The following RHBDD1 variants were observed in gnomAD, a reference collection of about 807,000 sequenced individuals.
The protein encoded by RHBDD1 is rhomboid domain containing 1, also known as rhomboid-related protein 4.
RHBDD1 carries 38 observed loss-of-function variants against 36.3 expected under a neutral mutation model. The ratio of observed to expected loss-of-function variants is 1.05; its 90% confidence interval spans 0.81 to 1.37. The LOEUF (loss-of-function observed/expected upper bound fraction) is 1.37, where lower values mean the gene tolerates loss of function less well. Among genes scored for constraint, RHBDD1 ranks in the 40% most tolerant of loss-of-function variants. The pLI, the probability that RHBDD1 is intolerant of heterozygous loss-of-function variation, is 0.00. For synonymous variants in RHBDD1, 151 were observed against 136.5 expected, an observed-to-expected ratio of 1.11 and a Z score of -0.74; for missense variants, 393 against 377.6, an observed-to-expected ratio of 1.04 and a Z score of -0.34.
intron 8 of RHBDD1, among the ~76,000 whole-genome samples, chr2:226,922,281 C>T (rs1291703110): frequency 7.1e-6 from 1 of 140,986 alleles, no homozygotes; most frequent in African/African-American, 2.7e-5. Context: ...GATCTCGGCT[C>T]ACTGTAAGTT....
At chr2:226,824,763 T>G in the RHBDD1 span, among the ~76,000 whole-genome samples, 1 of 152,224 alleles carries the variant, frequency 6.6e-6, no homozygotes, top group Non-Finnish European at 1.5e-5. Context: ...CTGAACAGAT[T>G]GACCTTTAAT....
chr2:226,945,808 C>G (rs1159768955), intron 8 of RHBDD1, among the ~76,000 whole-genome samples: 1 of 152,206 alleles, frequency 6.6e-6, no homozygotes, highest in East Asian at 1.9e-4. Flanking sequence ...TCCACATCCT[C>G]TCCAGCATCT....
At chr2:226,898,855 A>G (rs1479804113) in intron 5 of RHBDD1, among the ~76,000 whole-genome samples, 2 of 152,198 alleles carry the variant, frequency 1.3e-5, no homozygotes, top group African/African-American at 4.8e-5. Context: ...GGAGAGTACA[A>G]TAGGCCACTT....
At chr2:226,857,340 G>T (rs1943431920) in intron 3 of RHBDD1, among the ~76,000 whole-genome samples, 1 of 152,020 alleles carries the variant, frequency 6.6e-6, no homozygotes, top group Non-Finnish European at 1.5e-5. Flanking sequence ...GTGCTGAAGG[G>T]AATGTAAAGG....
intron 3 of RHBDD1, among the ~76,000 whole-genome samples, chr2:226,863,255 T>C (rs908117827): frequency 2.6e-5 from 4 of 152,064 alleles, no homozygotes; most frequent in Admixed American, 2.0e-4. Flanking sequence ...ATAAGAATCA[T>C]TTGCACCCAG....
chr2:226,970,283 T>G (rs1222476153), intron 8 of RHBDD1, among the ~76,000 whole-genome samples: 1 of 152,004 alleles, frequency 6.6e-6, no homozygotes, highest in Non-Finnish European at 1.5e-5. Flanking sequence ...GAAATAAAAC[T>G]GAATTGAGGA....
At chr2:226,978,260 ACT>A (rs953338111) in intron 8 of RHBDD1, among the ~76,000 whole-genome samples, 4 of 152,132 alleles carry the variant, frequency 2.6e-5, no homozygotes, top group African/African-American at 7.2e-5. Context: ...TTCAATTTGT[ACT>A]CTTTTTTCTC....
intron 8 of RHBDD1, among the ~76,000 whole-genome samples, chr2:226,955,536 T>A (rs1211649144): frequency 2.6e-5 from 4 of 152,200 alleles, no homozygotes; most frequent in Non-Finnish European, 5.9e-5. Context: ...CCATCTTGGT[T>A]TTGCTGTTCA....
chr2:226,901,231 C>T (rs1015732457), intron 5 of RHBDD1, among the ~76,000 whole-genome samples: 1 of 152,036 alleles, frequency 6.6e-6, no homozygotes, highest in Admixed American at 6.6e-5. Flanking sequence ...AATAAAAATT[C>T]CATTGTGTGT....
chr2:226,841,409 C>G (rs1941621375), intron 3 of RHBDD1, among the ~76,000 whole-genome samples: 1 of 152,110 alleles, frequency 6.6e-6, no homozygotes, highest in African/African-American at 2.4e-5. Context: ...ATCCTGTCAC[C>G]TAGGTATTAA....
the RHBDD1 span, among the ~76,000 whole-genome samples, chr2:226,800,781 C>A: frequency 6.6e-6 from 1 of 152,142 alleles, no homozygotes; most frequent in Non-Finnish European, 1.5e-5. Context: ...ATTGAACCAC[C>A]CTATAAGTTT....
the RHBDD1 span, among the ~76,000 whole-genome samples, chr2:226,828,148 A>G: frequency 6.6e-6 from 1 of 152,206 alleles, no homozygotes; most frequent in Non-Finnish European, 1.5e-5. Flanking sequence ...GCCCTAAGCA[A>G]CTATGGGTCT....
chr2:226,934,660 C>A (rs1032586248), intron 8 of RHBDD1, among the ~76,000 whole-genome samples: 6 of 151,972 alleles, frequency 3.9e-5, no homozygotes, highest in African/African-American at 1.2e-4. Context: ...TAACAAAAAT[C>A]TTGTCTTGTT....
chr2:226,904,425 G>T (rs1221765368), intron 5 of RHBDD1, among the ~76,000 whole-genome samples: 3 of 148,740 alleles, frequency 2.0e-5, no homozygotes, highest in African/African-American at 2.5e-5. Flanking sequence ...GGGGGGGGAG[G>T]GGGGTCAGGG....
the RHBDD1 span, among the ~76,000 whole-genome samples, chr2:226,817,796 G>C: frequency 2.0e-5 from 3 of 152,310 alleles, no homozygotes; most frequent in Middle Eastern, 6.8e-3. Context: ...CTCACGCAAA[G>C]TTAGATTCCT....
intron 8 of RHBDD1, among the ~76,000 whole-genome samples, chr2:226,955,553 T>C (rs1282794078): frequency 2.0e-5 from 3 of 152,208 alleles, no homozygotes; most frequent in Admixed American, 2.0e-4. Flanking sequence ...TTCACAGTAA[T>C]GTATTTGCAT....
chr2:226,850,221 G>A (rs1006669982), intron 3 of RHBDD1, among the ~76,000 whole-genome samples: 37 of 152,320 alleles, frequency 2.4e-4, no homozygotes, highest in African/African-American at 8.7e-4. Context: ...TGAGTCAAGA[G>A]TGGCTTGATG....
At chr2:226,846,382 T>G (rs1051527820) in intron 3 of RHBDD1, among the ~76,000 whole-genome samples, 1 of 152,144 alleles carries the variant, frequency 6.6e-6, no homozygotes, top group Non-Finnish European at 1.5e-5. Flanking sequence ...TCTGAGAAAA[T>G]TAAAAGCATT....
intron 5 of RHBDD1, among the ~76,000 whole-genome samples, chr2:226,884,695 A>C (rs1000311771): frequency 6.6e-6 from 1 of 152,214 alleles, no homozygotes; most frequent in African/African-American, 2.4e-5. Flanking sequence ...AGAGAAAATA[A>C]GAGTTTTTAA....
Sources: gnomAD v4.1 joint callset for allele counts (sites outside exome capture counted in the v4.1 genomes callset) on GRCh38, gnomAD v4.1.1 for gene constraint, MANE v1.5 for transcripts, NCBI Gene and HGNC (gene_info 2026-07-23, HGNC 2026-07-21) for gene names.